Variants in CREM observed in about 807,000 individuals in gnomAD.
CREM encodes the protein cAMP-responsive element modulator.
Under a neutral mutation model 37.3 loss-of-function variants are expected in CREM, and 13 were observed. That is an observed-to-expected ratio of 0.35 (90% confidence interval 0.23 to 0.55). The LOEUF (loss-of-function observed/expected upper bound fraction) is 0.55. CREM is among the 20% of genes least tolerant of loss of function. The probability of loss-of-function intolerance (pLI) is 0.88; values close to 1 mark genes in which losing one functional copy is unlikely to be tolerated. For synonymous variants in CREM, 124 were observed against 120.2 expected (o/e 1.03, Z -0.21); for missense variants, 296 against 362.3 (o/e 0.82, Z 1.49).
chr10:35,128,067 A>G (rs1200258625), intron 1 of CREM, among the ~76,000 whole-genome samples: 2 of 151,918 alleles, frequency 1.3e-5, no homozygotes, highest in East Asian at 3.9e-4. Context: ...CTGGTCTCGA[A>G]CTCCTGACCT....
At chr10:35,136,122 C>A (rs950119210) in intron 1 of CREM, among the ~76,000 whole-genome samples, 2 of 152,136 alleles carry the variant, frequency 1.3e-5, no homozygotes, top group Admixed American at 1.3e-4. Context: ...AGGAAGCGGG[C>A]GGCTGTTCCT....
At chr10:35,156,575 T>A (rs2092928564) in intron 3 of CREM, among the ~76,000 whole-genome samples, 1 of 152,234 alleles carries the variant, frequency 6.6e-6, no homozygotes, top group South Asian at 2.1e-4. Context: ...TCCCTTATTT[T>A]ATCGTTTGTT....
chr10:35,176,121 T>C (rs2094060024), intron 3 of CREM: 5 of 1,352,764 alleles, frequency 3.7e-6, no homozygotes, highest in Non-Finnish European at 4.9e-6. Flanking sequence ...TTATTAGATA[T>C]TTGGAGGAAT....
chr10:35,183,363 A>G (rs554897257), intron 5 of CREM, among the ~76,000 whole-genome samples: 3 of 152,332 alleles, frequency 2.0e-5, no homozygotes, highest in Admixed American at 1.3e-4. Context: ...GAATTAGAAC[A>G]TAATAGGCTT....
At chr10:35,160,819 G>A (rs1369154184) in intron 3 of CREM, among the ~76,000 whole-genome samples, 1 of 151,624 alleles carries the variant, frequency 6.6e-6, no homozygotes, top group African/African-American at 2.4e-5. Context: ...AAACTTTTTT[G>A]TTAAAAACTG....
chr10:35,167,794 G>A (rs1448737597), intron 3 of CREM: 5 of 1,613,796 alleles, frequency 3.1e-6, no homozygotes, highest in Non-Finnish European at 4.2e-6. Flanking sequence ...CAGGGGATGT[G>A]GAAGAAAAGG....
intron 3 of CREM, among the ~76,000 whole-genome samples, chr10:35,149,417 C>T (rs1026629781): frequency 3.3e-5 from 5 of 151,964 alleles, no homozygotes; most frequent in East Asian, 3.9e-4. Context: ...AGTAGAGGAT[C>T]GTATACATTT....
intron 5 of CREM, among the ~76,000 whole-genome samples, chr10:35,181,699 C>A (rs1248804301): frequency 6.6e-6 from 1 of 152,074 alleles, no homozygotes; most frequent in Non-Finnish European, 1.5e-5. Flanking sequence ...TAGAGTGAGA[C>A]CCTGTCTCTA....
chr10:35,180,683 T>G (rs1032644149), intron 5 of CREM, among the ~76,000 whole-genome samples: 1 of 152,254 alleles, frequency 6.6e-6, no homozygotes, highest in African/African-American at 2.4e-5. Context: ...TTCTCTCGTT[T>G]ACATGCTCTT....
At chr10:35,130,017 A>G (rs2089012832) in intron 1 of CREM, among the ~76,000 whole-genome samples, 1 of 151,882 alleles carries the variant, frequency 6.6e-6, no homozygotes, top group African/African-American at 2.4e-5. Context: ...ACCAACATGA[A>G]GAAACCCCGT....
intron 2 of CREM, among the ~76,000 whole-genome samples, chr10:35,142,572 C>T (rs552552184): frequency 2.6e-5 from 4 of 152,160 alleles, no homozygotes; most frequent in Admixed American, 6.5e-5. Context: ...ATCAGTTTGC[C>T]GCCCATTTGA....
intron 6 of CREM, chr10:35,196,189 T>G: frequency 3.0e-6 from 4 of 1,335,846 alleles, no homozygotes; most frequent in Non-Finnish European, 4.3e-6. Context: ...TTCTTTACTC[T>G]TACTCCATCC....
intron 3 of CREM, among the ~76,000 whole-genome samples, chr10:35,163,158 C>G (rs779432277): frequency 6.6e-6 from 1 of 151,930 alleles, no homozygotes; most frequent in South Asian, 2.1e-4. Context: ...TGCAGTGATT[C>G]GTGATCATGC....
At chr10:35,162,073 C>T (rs1373026569) in intron 3 of CREM, among the ~76,000 whole-genome samples, 1 of 152,110 alleles carries the variant, frequency 6.6e-6, no homozygotes, top group South Asian at 2.1e-4. Context: ...TATGTATACA[C>T]AATGGAATAC....
intron 6 of CREM, chr10:35,196,119 T>C (rs1332249886): frequency 1.2e-6 from 2 of 1,613,700 alleles, no homozygotes; most frequent in Non-Finnish European, 1.7e-6. Context: ...AGCCTCCTAC[T>C]GAGGCCGTCC....
rs754455183 is a variant in CREM at position 35,130,196 on chromosome 10, CAAAAAAAAAAA to C, written c.-55+3016_-55+3026del. Among the ~76,000 whole-genome samples the C allele has an allele frequency of 7.4e-5, 5 of 67,222 alleles. No homozygotes were observed. The East Asian group carries it at 1.9e-3, about 26-fold the overall frequency. 44.1% of individuals were successfully genotyped at this position (67,222 alleles called of 152,430 possible). The stretch of plus-strand genomic sequence containing the variant: ...GGGCAACAAGAGCCAAACTCAGTCT[CAAAAAAAAAAA>C]AAAAAAAAAAAATTTTTTTTGGAAA... On this transcript the variant is annotated intron_variant, in intron 1 of 7. Coordinates refer to ENST00000685392, the MANE Select transcript of CREM (RefSeq NM_183011.2).
chr10:35,200,416 C>CT (rs1474731944), intron 6 of CREM, among the ~76,000 whole-genome samples: 1 of 152,148 alleles, frequency 6.6e-6, no homozygotes, highest in Non-Finnish European at 1.5e-5. Flanking sequence ...ACATTATACA[C>CT]TTTGAGTATA....
chr10:35,189,382 G>A (rs1486287218), intron 6 of CREM, among the ~76,000 whole-genome samples: 1 of 151,998 alleles, frequency 6.6e-6, no homozygotes, highest in Non-Finnish European at 1.5e-5. Flanking sequence ...TGTAATAGAT[G>A]TATTTAATAC....
At chr10:35,208,704 A>G (rs943964639) in intron 7 of CREM, among the ~76,000 whole-genome samples, 7 of 152,248 alleles carry the variant, frequency 4.6e-5, no homozygotes, top group African/African-American at 1.7e-4. Flanking sequence ...GGCTAGAGCC[A>G]AAAATTGGGG....
Sources: gnomAD v4.1 joint callset for allele counts (sites outside exome capture counted in the v4.1 genomes callset) on GRCh38, gnomAD v4.1.1 for gene constraint, MANE v1.5 for transcripts, NCBI Gene and HGNC (gene_info 2026-07-23, HGNC 2026-07-21) for gene names.